AFAP1: variants seen among roughly 807,000 people sequenced by gnomAD.
AFAP1 encodes the protein actin filament-associated protein 1.
In AFAP1, 75 loss-of-function variants were observed where a neutral mutation model predicts 93.9. The ratio of observed to expected loss-of-function variants is 0.80; its 90% CI spans 0.66 to 0.97. AFAP1 has a LOEUF of 0.97. Among genes scored for constraint, AFAP1 ranks in the 50% least tolerant of loss-of-function variants. The pLI, the probability that AFAP1 is intolerant of heterozygous loss-of-function variation, is 0.00. For synonymous variants in AFAP1, 517 were observed against 430.7 expected (o/e 1.20, Z -2.48); for missense variants, 1,201 against 1,050.8 (o/e 1.14, Z -1.98).
intron 11 of AFAP1, among the ~76,000 whole-genome samples, chr4:7,787,422 A>C (rs1209685449): frequency 6.6e-6 from 1 of 152,012 alleles, no homozygotes; most frequent in Non-Finnish European, 1.5e-5. Context: ...GGTCGTGGGA[A>C]CCTCCAACTC....
intron 9 of AFAP1, among the ~76,000 whole-genome samples, chr4:7,804,263 G>C (rs1219882502): frequency 6.6e-6 from 1 of 152,216 alleles, no homozygotes; most frequent in Non-Finnish European, 1.5e-5. Context: ...ACTGCAGGCG[G>C]GAGCTTCAAG....
chr4:7,781,628 C>A lies in AFAP1; in HGVS notation c.1531-1G>T. 1 of 1,551,706 alleles carries A rather than the reference C, an allele frequency of 6.4e-7. No individual in the cohort carries two copies. Among genetic ancestry groups the A allele is most frequent in the African/African-American group, 1.4e-5 (1 of 73,158 alleles). On this transcript the variant is annotated splice_acceptor_variant, in intron 12 of 17. Coordinates refer to ENST00000420658, the MANE Select transcript of AFAP1 (RefSeq NM_001134647.2). LOFTEE classifies it high-confidence loss of function. ...CAGGAAAGCCGTCTTCCGGTTCCCA[C>A]TGCAACACACATAGCTTTGTGGTTA...
chr4:7,844,253 T>A (rs1713411613), intron 4 of AFAP1, among the ~76,000 whole-genome samples: 1 of 151,530 alleles, frequency 6.6e-6, no homozygotes, highest in Admixed American at 6.6e-5. Context: ...GGTGGGGTCC[T>A]AATCCCATAG....
intron 17 of AFAP1, 64 bp downstream of exon 17, chr4:7,768,780 A>AG: frequency 6.8e-7 from 1 of 1,480,016 alleles, no homozygotes; most frequent in South Asian, 1.4e-5. Flanking sequence ...CTCACACCCG[A>AG]GAATGCTGGG....
intron 10 of AFAP1, among the ~76,000 whole-genome samples, chr4:7,797,795 A>G (rs1181512003): frequency 6.6e-6 from 1 of 152,192 alleles, no homozygotes; most frequent in Non-Finnish European, 1.5e-5. Flanking sequence ...TTCAGCAAAT[A>G]TACATCAAAG....
chr4:7,928,992 CAG>C (rs1720918894), intron 1 of AFAP1, among the ~76,000 whole-genome samples: 1 of 152,224 alleles, frequency 6.6e-6, no homozygotes. Context: ...GGGCAAGTAA[CAG>C]ATCACTCCGA....
chr4:7,802,639 CTTTTTT>C (rs60126839), intron 9 of AFAP1, among the ~76,000 whole-genome samples: 8 of 127,882 alleles, frequency 6.3e-5, no homozygotes, highest in Non-Finnish European at 6.5e-5. Context: ...TACATTTATT[CTTTTTT>C]TTTTTTTTTT....
At chr4:7,778,692 G>A in intron 14 of AFAP1, 70 bp downstream of exon 14, 1 of 1,477,282 alleles carries the variant, frequency 6.8e-7, no homozygotes, top group Non-Finnish European at 9.5e-7. Context: ...CGGGTGGGCA[G>A]GCTCAGACAG....
chr4:7,815,973 T>C (rs1043889387), intron 8 of AFAP1, 45 bp downstream of exon 8: 13 of 1,410,574 alleles, frequency 9.2e-6, no homozygotes, highest in Non-Finnish European at 1.2e-5. Flanking sequence ...TTGTTTTTGT[T>C]TTTTTTTTTA....
intron 12 of AFAP1, 82 bp from the exon 13 acceptor site, chr4:7,781,709 T>C: frequency 6.6e-6 from 10 of 1,505,270 alleles, no homozygotes; most frequent in South Asian, 1.3e-5. Context: ...CATTTATTAA[T>C]AGTACGGCAT....
intron 1 of AFAP1, among the ~76,000 whole-genome samples, chr4:7,915,650 C>T (rs1343406646): frequency 6.6e-6 from 1 of 152,230 alleles, no homozygotes; most frequent in Non-Finnish European, 1.5e-5. Context: ...GGTCCCTTAA[C>T]CACTTTGAGC....
At chr4:7,769,140 G>C in intron 16 of AFAP1, 132 bp from the exon 17 acceptor site, 2 of 1,220,124 alleles carry the variant, frequency 1.6e-6, no homozygotes, top group Non-Finnish European at 2.2e-6. Flanking sequence ...TAGCAGCAAG[G>C]ACTGCCACGT....
chr4:7,834,128 C>CATATAT (rs1553842868), intron 6 of AFAP1, among the ~76,000 whole-genome samples: 87 of 119,492 alleles, frequency 7.3e-4, no homozygotes, highest in African/African-American at 2.9e-3. Flanking sequence ...CACACACACA[C>CATATAT]ATATATACAA....
intron 4 of AFAP1, among the ~76,000 whole-genome samples, chr4:7,851,137 C>T (rs1714392935): frequency 6.6e-6 from 1 of 152,206 alleles, no homozygotes. Context: ...CTACACCATC[C>T]TTTAGAGAGA....
rs771650448 is a variant in AFAP1, at chr4:7,819,061, G to A, written c.822+15C>T. 11 of 1,591,258 alleles carry A rather than the reference G, an allele frequency of 6.9e-6. No individual in the cohort carries two copies. The South Asian group carries it at 9.2e-5, about 13-fold the overall frequency. Reference sequence around the variant, plus strand: ...CAAGGTCACCGTCCCCACCCAGCAAGAGCAGCGCCCTTACCTTCTCCAGTT... The same window carrying A: ...CAAGGTCACCGTCCCCACCCAGCAAAAGCAGCGCCCTTACCTTCTCCAGTT... On this transcript the variant is annotated intron_variant, in intron 7 of 17. Coordinates refer to ENST00000420658, the MANE Select transcript of AFAP1 (RefSeq NM_001134647.2).
At chr4:7,844,393 T>C (rs985261521) in intron 4 of AFAP1, among the ~76,000 whole-genome samples, 1 of 152,212 alleles carries the variant, frequency 6.6e-6, no homozygotes, top group African/African-American at 2.4e-5. Context: ...GCTGGCAGTC[T>C]AACCTGGACT....
At chr4:7,930,093 CCA>C (rs1308264759) in intron 1 of AFAP1, among the ~76,000 whole-genome samples, 4 of 152,190 alleles carry the variant, frequency 2.6e-5, no homozygotes, top group Admixed American at 6.5e-5. Context: ...ACATTATCTG[CCA>C]CACAGTGTTG....
intron 1 of AFAP1, among the ~76,000 whole-genome samples, chr4:7,876,964 T>C (rs527625884): frequency 1.3e-5 from 2 of 152,310 alleles, no homozygotes; most frequent in African/African-American, 2.4e-5. Flanking sequence ...CATCCCCTCT[T>C]TCTTCCAGCC....
intron 2 of AFAP1, among the ~76,000 whole-genome samples, chr4:7,871,069 C>G (rs1271892427): frequency 6.6e-6 from 1 of 152,218 alleles, no homozygotes; most frequent in African/African-American, 2.4e-5. Context: ...CGGTCTCTCA[C>G]TCAACTGGTG....
Sources: allele counts gnomAD v4.1 joint callset (sites outside exome capture counted in the v4.1 genomes callset), GRCh38; gene constraint gnomAD v4.1.1; transcripts MANE v1.5; gene names NCBI Gene and HGNC (gene_info 2026-07-23, HGNC 2026-07-21).